Variants in TRHDE observed in about 807,000 individuals in gnomAD.
The protein encoded by TRHDE is thyrotropin releasing hormone degrading enzyme, also known as thyrotropin-releasing hormone-degrading ectoenzyme.
TRHDE carries 72 observed loss-of-function variants against 125.7 expected under a neutral mutation model. The observed-to-expected ratio is 0.57, with a 90% CI of 0.47 to 0.70. The LOEUF is 0.70. TRHDE is among the 30% of genes least tolerant of loss of function. The pLI, the probability that TRHDE is intolerant of heterozygous loss-of-function variation, is 0.00. For synonymous variants in TRHDE, 509 were observed against 509.1 expected, an observed-to-expected ratio of 1.00 and a Z score of 0.00; for missense variants, 1,110 against 1,327.1, an observed-to-expected ratio of 0.84 and a Z score of 2.54.
chr12:72,147,775 T>C (rs925964546), intron 2 of TRHDE: 2 of 152,254 alleles, frequency 1.3e-5, no homozygotes, highest in African/African-American at 2.4e-5. Context: ...CTTATTGCCA[T>C]GTGTATTTAT....
At chr12:72,565,689 A>G (rs1870408814) in intron 9 of TRHDE, among the ~76,000 whole-genome samples, 2 of 152,274 alleles carry the variant, frequency 1.3e-5, no homozygotes, top group South Asian at 4.1e-4. Flanking sequence ...CAAAGTCTGG[A>G]CAAATGCTTC....
intron 2 of TRHDE, among the ~76,000 whole-genome samples, chr12:72,126,362 A>T (rs1012217745): frequency 4.1e-4 from 62 of 152,332 alleles, no homozygotes; most frequent in Admixed American, 3.2e-3. Context: ...ACCCTATTCT[A>T]AAATTCATAT....
intron 2 of TRHDE, chr12:72,254,892 C>T (rs1336273448): frequency 6.6e-6 from 1 of 152,184 alleles, no homozygotes; most frequent in African/African-American, 2.4e-5. Flanking sequence ...CTTCCCCCAT[C>T]CAAAAATGAT....
chr12:72,447,280 G>A (rs539883537), intron 3 of TRHDE, among the ~76,000 whole-genome samples: 152 of 152,192 alleles, frequency 1.0e-3, no homozygotes, highest in South Asian at 6.2e-3. Flanking sequence ...GGTACATAAC[G>A]AAATGAAGGC....
chr12:72,571,808 T>C (rs1294470283), intron 10 of TRHDE, among the ~76,000 whole-genome samples: 3 of 152,172 alleles, frequency 2.0e-5, no homozygotes, highest in Non-Finnish European at 4.4e-5. Context: ...AGCACTGGTT[T>C]ATTTGAGATT....
chr12:72,224,166 G>GTATCTATCTATCTATCTATC (rs368211232), intron 2 of TRHDE, among the ~76,000 whole-genome samples: 6 of 62,982 alleles, frequency 9.5e-5, no homozygotes, highest in East Asian at 5.9e-4. Flanking sequence ...ATGTATGTAT[G>GTATCTATCTATCTATCTATC]TATCTATCTA....
At chr12:72,641,174 A>G (rs1219401445) in intron 15 of TRHDE, among the ~76,000 whole-genome samples, 3 of 152,206 alleles carry the variant, frequency 2.0e-5, no homozygotes, top group Non-Finnish European at 2.9e-5. Flanking sequence ...TTATGTCATA[A>G]GTATCAAAAT....
intron 2 of TRHDE, among the ~76,000 whole-genome samples, chr12:72,327,187 C>A (rs537994108): frequency 1.3e-4 from 20 of 152,008 alleles, no homozygotes; most frequent in African/African-American, 4.6e-4. Context: ...GAAAAGGGGG[C>A]ATGGAGGTTG....
chr12:72,475,483 C>T (rs932754725), intron 5 of TRHDE, among the ~76,000 whole-genome samples: 1 of 152,200 alleles, frequency 6.6e-6, no homozygotes, highest in Non-Finnish European at 1.5e-5. Context: ...AAAGTGACAG[C>T]TTTTGATTGT....
At chr12:72,154,892 G>C (rs576557523) in intron 2 of TRHDE, among the ~76,000 whole-genome samples, 19 of 152,230 alleles carry the variant, frequency 1.2e-4, no homozygotes, top group African/African-American at 4.3e-4. Flanking sequence ...TCTTCTCTAG[G>C]AGTATCTTTG....
chr12:72,541,765 C>A (rs1289797722), intron 6 of TRHDE, among the ~76,000 whole-genome samples: 2 of 151,348 alleles, frequency 1.3e-5, no homozygotes, highest in African/African-American at 4.8e-5. Flanking sequence ...ACTGAGTAAA[C>A]ATGGTGAGTA....
chr12:72,188,162 A>G (rs1877265767), intron 2 of TRHDE, among the ~76,000 whole-genome samples: 1 of 152,230 alleles, frequency 6.6e-6, no homozygotes, highest in African/African-American at 2.4e-5. Context: ...AGTCAGAGGA[A>G]TTGCTAAAAC....
rs1243612165 is a variant in TRHDE, at chr12:72,540,105, T to C, written c.1723-2186T>C. ...TAGTATGTGCTTAGTATATGTTGGC[T>C]AAACCATGACAGTTGGAGAGCCCAT... On this transcript the variant is annotated intron_variant, in intron 6 of 18. Coordinates refer to ENST00000261180, the MANE Select transcript of TRHDE (RefSeq NM_013381.3). Among the ~76,000 whole-genome samples the C allele has an allele frequency of 2.0e-5, 3 of 151,836 alleles. No homozygotes were observed. The East Asian group carries it at 5.8e-4, about 29-fold the overall frequency.
chr12:72,540,230 T>C (rs1869077246), intron 6 of TRHDE, among the ~76,000 whole-genome samples: 1 of 151,750 alleles, frequency 6.6e-6, no homozygotes, highest in East Asian at 1.9e-4. Flanking sequence ...CAGAGACTAT[T>C]AAAATGTTCA....
intron 3 of TRHDE, among the ~76,000 whole-genome samples, chr12:72,468,320 C>T (rs1051415698): frequency 6.6e-6 from 1 of 152,300 alleles, no homozygotes; most frequent in East Asian, 1.9e-4. Context: ...GTGTTAGAAT[C>T]TAGTGGTGAG....
intron 3 of TRHDE, among the ~76,000 whole-genome samples, chr12:72,423,918 G>A (rs1314073845): frequency 6.6e-6 from 1 of 151,956 alleles, no homozygotes; most frequent in African/African-American, 2.4e-5. Flanking sequence ...GAGGGGGAGG[G>A]CCACTAGCTA....
chr12:72,193,548 C>T (rs1207580336), intron 2 of TRHDE, among the ~76,000 whole-genome samples: 2 of 152,136 alleles, frequency 1.3e-5, no homozygotes, highest in Non-Finnish European at 2.9e-5. Context: ...GCATAACATT[C>T]TCCCTCACTG....
At chr12:72,543,032 G>A (rs1174594036) in intron 7 of TRHDE, among the ~76,000 whole-genome samples, 1 of 151,416 alleles carries the variant, frequency 6.6e-6, no homozygotes, top group East Asian at 1.9e-4. Context: ...CCTAGTAGCT[G>A]TGATTGATGA....
chr12:72,090,399 T>G (rs1286175712), intron 1 of TRHDE, among the ~76,000 whole-genome samples: 1 of 152,212 alleles, frequency 6.6e-6, no homozygotes, highest in Non-Finnish European at 1.5e-5. Flanking sequence ...GGGGAGCATT[T>G]GAATGAGTAT....
Sources: gnomAD v4.1 joint callset for allele counts (sites outside exome capture counted in the v4.1 genomes callset) on GRCh38, gnomAD v4.1.1 for gene constraint, MANE v1.5 for transcripts, NCBI Gene and HGNC (gene_info 2026-07-23, HGNC 2026-07-21) for gene names.